MRTFA: variants seen among roughly 807,000 people sequenced by gnomAD.
MRTFA encodes the protein myocardin-related transcription factor A.
MRTFA carries 20 observed loss-of-function variants against 83.5 expected under a neutral mutation model. That is an observed-to-expected ratio of 0.24 (90% CI 0.17 to 0.35). The LOEUF (loss-of-function observed/expected upper bound fraction) is 0.35. Among genes scored for constraint, MRTFA ranks in the 10% least tolerant of loss-of-function variants. The probability of loss-of-function intolerance (pLI) is 1.00; values close to 1 mark genes in which losing one functional copy is unlikely to be tolerated. For missense variants in MRTFA, 1,200 were observed against 1,224.7 expected (o/e 0.98, Z 0.30); for synonymous variants, 659 against 541.2 (o/e 1.22, Z -3.02).
intron 3 of MRTFA, among the ~76,000 whole-genome samples, chr22:40,525,940 T>G (rs2147267098): frequency 1.3e-5 from 2 of 151,340 alleles, no homozygotes; most frequent in Admixed American, 1.3e-4. Flanking sequence ...ATTCTGCAAA[T>G]AAGTGGTATG....
At chr22:40,477,175 CAAAAAA>C (rs55932110) in intron 3 of MRTFA, among the ~76,000 whole-genome samples, 1 of 59,612 alleles carries the variant, frequency 1.7e-5, no homozygotes, top group Non-Finnish European at 3.1e-5. Context: ...ACTAAAAATA[CAAAAAA>C]AAAAAAAAAA....
At chr22:40,592,269 A>AC (rs2056132165) in intron 2 of MRTFA, among the ~76,000 whole-genome samples, 1 of 149,924 alleles carries the variant, frequency 6.7e-6, no homozygotes, top group African/African-American at 2.4e-5. Flanking sequence ...GTCTCTACAA[A>AC]AAAAAAAAAA....
intron 1 of MRTFA, among the ~76,000 whole-genome samples, chr22:40,621,351 A>G (rs1009919567): frequency 6.6e-6 from 1 of 152,216 alleles, no homozygotes; most frequent in Admixed American, 6.5e-5. Context: ...ATACTAAGTG[A>G]CATAAGCTAG....
Position 40,599,143 on chromosome 22 carries a change from G to T in MRTFA, c.-83-4408C>A, listed in dbSNP as rs1039730741. 1.7e-4 allele frequency among the ~76,000 whole-genome samples: 26 copies of T among 151,190 alleles called. 2 individuals are homozygous for T. Among genetic ancestry groups the T allele is most frequent in the Admixed American group, 1.4e-3 (21 of 15,106 alleles). ...AGAAACCCCATCTCTACTAAAAATA[G>T]AAAAATTAGCTGGGCATAGTGGTGC... is the stretch of plus-strand genomic sequence containing the variant. On this transcript the variant is annotated intron_variant, in intron 1 of 14. Transcript: ENST00000355630.
intron 3 of MRTFA, among the ~76,000 whole-genome samples, chr22:40,520,049 G>A (rs9623177): frequency 8.7e-4 from 133 of 152,252 alleles, no homozygotes; most frequent in African/African-American, 3.0e-3. Flanking sequence ...CGACAATAAA[G>A]AGATATATTT....
chr22:40,519,129 A>T (rs779504589), intron 3 of MRTFA, among the ~76,000 whole-genome samples: 1 of 151,714 alleles, frequency 6.6e-6, no homozygotes, highest in Non-Finnish European at 1.5e-5. Flanking sequence ...CTCCTGCATG[A>T]TCTCTTTTAA....
intron 7 of MRTFA, among the ~76,000 whole-genome samples, chr22:40,427,717 T>C (rs893315824): frequency 5.9e-5 from 9 of 152,188 alleles, no homozygotes; most frequent in African/African-American, 2.2e-4. Flanking sequence ...CAGTTATGTA[T>C]AACAAGCCCC....
At position 40,423,664 on chromosome 22, in the gene MRTFA, C is replaced by A. The variant is rs758046011; in HGVS notation, c.799G>T (p.Gly267Cys). The change falls in exon 9 of 15, where the codon GGC becomes TGC. Residue 267 changes from glycine (G) to cysteine (C), a missense_variant. Transcript: ENST00000355630. ...AAAAGCATTTCTCTGGAATCCCGGC[C>A]CATCGGAAGTTGAGACACAACCTGA... is the stretch of plus-strand genomic sequence containing the variant. 1 of 1,572,790 alleles carries A rather than the reference C, an allele frequency of 6.4e-7. No homozygotes were observed. Among genetic ancestry groups the A allele is most frequent in the East Asian group, 2.3e-5 (1 of 42,990 alleles).
intron 2 of MRTFA, among the ~76,000 whole-genome samples, chr22:40,570,553 A>T (rs939639327): frequency 7.9e-6 from 1 of 127,084 alleles, no homozygotes. Flanking sequence ...ACTCCAGCCT[A>T]GGCGACAGAG....
At chr22:40,446,635 A>C (rs1175321857) in intron 4 of MRTFA, among the ~76,000 whole-genome samples, 1 of 152,172 alleles carries the variant, frequency 6.6e-6, no homozygotes, top group Non-Finnish European at 1.5e-5. Context: ...AGTCAGGCAA[A>C]ATAAGGCTTA....
At chr22:40,474,463 AAGGCACAC>A (rs1305557424) in intron 3 of MRTFA, among the ~76,000 whole-genome samples, 1 of 152,246 alleles carries the variant, frequency 6.6e-6, no homozygotes. Flanking sequence ...CAAGTAAGTT[AAGGCACAC>A]AGTGTCATTT....
intron 3 of MRTFA, among the ~76,000 whole-genome samples, chr22:40,535,348 C>CTTTTTTT (rs531303160): frequency 1.7e-4 from 18 of 107,134 alleles, no homozygotes; most frequent in Non-Finnish European, 1.8e-4. Context: ...GAGGTTTTTT[C>CTTTTTTT]TTTTTTTTTT....
chr22:40,588,896 T>C, intron 2 of MRTFA, among the ~76,000 whole-genome samples: 1 of 152,168 alleles, frequency 6.6e-6, no homozygotes. Context: ...GCAGGATGAC[T>C]GCTTGAGTCC....
At chr22:40,620,279 C>T (rs2056506062) in intron 1 of MRTFA, among the ~76,000 whole-genome samples, 1 of 151,876 alleles carries the variant, frequency 6.6e-6, no homozygotes, top group Non-Finnish European at 1.5e-5. Flanking sequence ...CATGCATTAC[C>T]ACGCCTGGCT....
At chr22:40,547,970 A>G (rs2147306073) in intron 3 of MRTFA, among the ~76,000 whole-genome samples, 1 of 152,302 alleles carries the variant, frequency 6.6e-6, no homozygotes, top group South Asian at 2.1e-4. Context: ...TTTTGAGAGT[A>G]GCGTAGCAGT....
intron 3 of MRTFA, among the ~76,000 whole-genome samples, chr22:40,471,274 G>A (rs904603502): frequency 4.9e-5 from 7 of 144,302 alleles, no homozygotes; most frequent in South Asian, 2.3e-4. Context: ...GTGGTGGCAC[G>A]CGCCTGTAAT....
intron 2 of MRTFA, among the ~76,000 whole-genome samples, chr22:40,582,583 T>C (rs2055963482): frequency 6.6e-6 from 1 of 152,110 alleles, no homozygotes; most frequent in Non-Finnish European, 1.5e-5. Flanking sequence ...CAATTTGCTC[T>C]TATTCATAGT....
At chr22:40,584,803 G>C (rs1455137775) in intron 2 of MRTFA, among the ~76,000 whole-genome samples, 2 of 151,718 alleles carry the variant, frequency 1.3e-5, no homozygotes. Context: ...CAGCACTTTG[G>C]GAGGCTGAGG....
At chr22:40,526,881 C>T (rs986329214) in intron 3 of MRTFA, among the ~76,000 whole-genome samples, 1 of 152,086 alleles carries the variant, frequency 6.6e-6, no homozygotes, top group Non-Finnish European at 1.5e-5. Flanking sequence ...GGGAGGACTG[C>T]TTGAGCTCAG....
Sources: allele counts gnomAD v4.1 joint callset (sites outside exome capture counted in the v4.1 genomes callset), GRCh38; gene constraint gnomAD v4.1.1; transcripts MANE v1.5; gene names NCBI Gene and HGNC (gene_info 2026-07-23, HGNC 2026-07-21).